The following RSRC1 variants were observed in gnomAD, a reference collection of about 807,000 sequenced individuals.
RSRC1 encodes the protein arginine and serine rich coiled-coil 1.
In RSRC1, 39 loss-of-function variants were observed where a neutral mutation model predicts 49.1. The ratio of observed to expected loss-of-function variants is 0.79; its 90% CI spans 0.61 to 1.04. RSRC1 has a LOEUF of 1.04. Ranked by LOEUF, RSRC1 falls within the 50% of genes least tolerant of loss-of-function variation. RSRC1 has a pLI of 0.00. For missense variants in RSRC1, 388 were observed against 402.4 expected, an observed-to-expected ratio of 0.96 and a Z score of 0.31; for synonymous variants, 143 against 130.8, an observed-to-expected ratio of 1.09 and a Z score of -0.63.
chr3:158,383,365 C>A (rs1732805941), intron 6 of RSRC1, among the ~76,000 whole-genome samples: 1 of 147,426 alleles, frequency 6.8e-6, no homozygotes, highest in Non-Finnish European at 1.5e-5. Flanking sequence ...ATATAAGGGA[C>A]TTGAGTATTC....
At chr3:158,399,123 C>CTTTT (rs1161504489) in intron 6 of RSRC1, among the ~76,000 whole-genome samples, 2 of 30,106 alleles carry the variant, frequency 6.6e-5, no homozygotes, top group Admixed American at 5.3e-4. Flanking sequence ...CTATTATTTC[C>CTTTT]TTTTTTTTTT....
chr3:158,326,216 T>C (rs2108181185), intron 5 of RSRC1, among the ~76,000 whole-genome samples: 1 of 152,318 alleles, frequency 6.6e-6, no homozygotes, highest in African/African-American at 2.4e-5. Context: ...CTGAATACCC[T>C]TTATTCCTTT....
chr3:158,163,102 C>T (rs970258411), intron 3 of RSRC1, among the ~76,000 whole-genome samples: 2 of 152,062 alleles, frequency 1.3e-5, no homozygotes, highest in Non-Finnish European at 2.9e-5. Flanking sequence ...CTCATGGGTT[C>T]GAGTGATTCT....
intron 3 of RSRC1, among the ~76,000 whole-genome samples, chr3:158,196,410 T>C (rs1247480774): frequency 6.6e-6 from 1 of 152,190 alleles, no homozygotes; most frequent in Non-Finnish European, 1.5e-5. Flanking sequence ...GCTGAGACAG[T>C]GGGATTTTCT....
At chr3:158,207,657 A>ATAGATAGATAGATAGATAGATAGG (rs1721418552) in intron 4 of RSRC1, among the ~76,000 whole-genome samples, 1 of 148,694 alleles carries the variant, frequency 6.7e-6, no homozygotes, top group Non-Finnish European at 1.5e-5. Flanking sequence ...AGATAGATAG[A>ATAGATAGATAGATAGATAGATAGG]TAGATAGACA....
intron 7 of RSRC1, among the ~76,000 whole-genome samples, chr3:158,533,922 T>TG (rs1712567477): frequency 2.0e-5 from 3 of 151,668 alleles, no homozygotes; most frequent in Non-Finnish European, 4.4e-5. Context: ...AAGAATCTTC[T>TG]CTCATTTCAC....
At chr3:158,249,803 A>G (rs1015347362) in intron 4 of RSRC1, among the ~76,000 whole-genome samples, 7 of 152,158 alleles carry the variant, frequency 4.6e-5, no homozygotes, top group African/African-American at 7.2e-5. Flanking sequence ...CACCTCAAGC[A>G]TTTACCCTTT....
intron 7 of RSRC1, among the ~76,000 whole-genome samples, chr3:158,488,674 T>C (rs1251257854): frequency 6.6e-6 from 1 of 152,242 alleles, no homozygotes. Context: ...AAGTTAATTT[T>C]CTTTTTGACA....
intron 5 of RSRC1, among the ~76,000 whole-genome samples, chr3:158,346,458 C>A (rs1356378610): frequency 6.6e-6 from 1 of 152,112 alleles, no homozygotes; most frequent in Non-Finnish European, 1.5e-5. Context: ...AGAAAACAAT[C>A]TAATAAAAAT....
intron 4 of RSRC1, among the ~76,000 whole-genome samples, chr3:158,259,107 T>G (rs1724739661): frequency 6.6e-6 from 1 of 152,170 alleles, no homozygotes; most frequent in African/African-American, 2.4e-5. Flanking sequence ...ATGTTTTGAT[T>G]CTTCTGCGTG....
intron 4 of RSRC1, among the ~76,000 whole-genome samples, chr3:158,285,513 C>A (rs549547263): frequency 6.6e-6 from 1 of 152,292 alleles, no homozygotes; most frequent in South Asian, 2.1e-4. Context: ...ATTGATTCTT[C>A]CTACCCATGA....
intron 6 of RSRC1, among the ~76,000 whole-genome samples, chr3:158,422,673 C>G (rs1201239852): frequency 6.6e-6 from 1 of 150,970 alleles, no homozygotes; most frequent in Non-Finnish European, 1.5e-5. Flanking sequence ...AATGGTTGAA[C>G]TAGTTTACAG....
At position 158,189,316 on chromosome 3, in the gene RSRC1, T is replaced by G. The variant is rs186817029; in HGVS notation, c.321-13756T>G. On this transcript the variant is annotated intron_variant, in intron 3 of 9. Transcript: ENST00000611884. ...GAAATTTTGAGGTATAGTTAATAGG[T>G]AAATTTAACCATGTGTTCAAATCTT... Among the ~76,000 whole-genome samples the G allele has an allele frequency of 3.8e-4, 58 of 152,066 alleles. 1 individual carries two copies. The East Asian group carries it at 9.4e-3, about 25-fold the overall frequency.
chr3:158,369,955 T>G (rs1319416879), intron 6 of RSRC1, among the ~76,000 whole-genome samples: 2 of 151,990 alleles, frequency 1.3e-5, no homozygotes, highest in Admixed American at 1.3e-4. Context: ...AGAATCATAG[T>G]GTAACTTGTC....
chr3:158,467,478 A>T (rs1197157656), intron 7 of RSRC1, among the ~76,000 whole-genome samples: 1 of 152,170 alleles, frequency 6.6e-6, no homozygotes, highest in African/African-American at 2.4e-5. Context: ...TGCGTATGAA[A>T]CCATTTTATA....
At chr3:158,234,725 A>G (rs1455546160) in intron 4 of RSRC1, among the ~76,000 whole-genome samples, 1 of 152,062 alleles carries the variant, frequency 6.6e-6, no homozygotes, top group Non-Finnish European at 1.5e-5. Context: ...TGGTCTTTGT[A>G]TATATTCTTC....
intron 7 of RSRC1, among the ~76,000 whole-genome samples, chr3:158,493,994 AT>A (rs1482495128): frequency 2.0e-5 from 3 of 152,192 alleles, no homozygotes; most frequent in Non-Finnish European, 4.4e-5. Flanking sequence ...CCTGAGATAG[AT>A]TACAAAAATA....
intron 3 of RSRC1, among the ~76,000 whole-genome samples, chr3:158,168,984 T>C (rs1578156932): frequency 6.6e-6 from 1 of 151,888 alleles, no homozygotes. Flanking sequence ...GGATGGGAGG[T>C]TGAACCCACC....
At chr3:158,384,723 G>C (rs1191576194) in intron 6 of RSRC1, among the ~76,000 whole-genome samples, 1 of 152,108 alleles carries the variant, frequency 6.6e-6, no homozygotes, top group African/African-American at 2.4e-5. Flanking sequence ...TCAAACTACA[G>C]ATCAGCAGGA....
Sources: allele counts gnomAD v4.1 joint callset (sites outside exome capture counted in the v4.1 genomes callset), GRCh38; gene constraint gnomAD v4.1.1; transcripts MANE v1.5; gene names NCBI Gene and HGNC (gene_info 2026-07-23, HGNC 2026-07-21).